TCHP: variants seen among roughly 807,000 people sequenced by gnomAD.
TCHP encodes trichoplein keratin filament-binding protein.
A neutral mutation model predicts 88.7 loss-of-function variants in TCHP; 81 were observed. That is an observed-to-expected ratio of 0.91 (90% CI 0.76 to 1.10). The LOEUF is 1.10. Among genes scored for constraint, TCHP ranks in the 50% least tolerant of loss-of-function variants. The pLI is 0.00. For missense variants in TCHP, 641 were observed against 632.1 expected, an observed-to-expected ratio of 1.01 and a Z score of -0.15; for synonymous variants, 232 against 232.5, an observed-to-expected ratio of 1.00 and a Z score of 0.02.
At chr12:109,895,412 G>A (rs546410909), upstream of TCHP, among the ~76,000 whole-genome samples, 1 of 151,908 alleles carries the variant, frequency 6.6e-6, no homozygotes, top group African/African-American at 2.4e-5. Flanking sequence ...GGGGTGGGGG[G>A]TCTCTCTATA....
At chr12:109,884,282 G>A in the TCHP span, among the ~76,000 whole-genome samples, 1 of 151,870 alleles carries the variant, frequency 6.6e-6, no homozygotes, top group Non-Finnish European at 1.5e-5. Flanking sequence ...TCCGCCTTCC[G>A]GGTTCACGCC....
chr12:109,907,396 G>T, intron 5 of TCHP, 130 bp from the exon 6 acceptor site: 1 of 903,422 alleles, frequency 1.1e-6, no homozygotes, highest in Non-Finnish European at 1.7e-6. Context: ...CTTGGCGTCT[G>T]AGGGCGTTGT....
Position 109,903,878 on chromosome 12 carries a change from C to A in TCHP, c.189-59C>A. 7.1e-7 allele frequency: 1 copy of A among 1,400,068 alleles called. No homozygotes were observed. The highest frequency in any genetic ancestry group is 9.9e-7 in the Non-Finnish European group (1 of 1,008,942). The allele number at this position is 1,400,068 out of a possible 1,614,324, so 86.7% of individuals were successfully genotyped here. ...AGCCTCTTTTACCGACACAGCAGAG[C>A]AGAGCACGTTCCCTGTGGCTGTAGC... is the stretch of plus-strand genomic sequence containing the variant. On this transcript the variant is annotated intron_variant, in intron 2 of 12. Transcript: ENST00000405876. This position sits in a 1 kb window ranked among gnomAD's most constrained non-coding sequence, Gnocchi z 4.6.
At chr12:109,897,563 TTTC>T (rs561224451), upstream of TCHP, among the ~76,000 whole-genome samples, 5 of 148,180 alleles carry the variant, frequency 3.4e-5, no homozygotes, top group African/African-American at 7.7e-5. Context: ...TCTTTCTTTC[TTTC>T]TTTTTTTTTT....
In TCHP at chr12:109,916,891, T is replaced by G. The variant is rs1000606540; in HGVS notation, c.*268T>G. ...CGCTGCTGCATAGTCTTGTAATATA[T>G]TAACAGTCACATCAACTGAAGGTCA... On this transcript the variant is annotated 3_prime_UTR_variant, in exon 13 of 13. Coordinates refer to ENST00000405876, the MANE Select transcript of TCHP (RefSeq NM_001143852.2). 2.5e-6 allele frequency: 1 copy of G among 399,776 alleles called. No homozygotes were observed. Among genetic ancestry groups the G allele is most frequent in the African/African-American group, 2.1e-5 (1 of 48,258 alleles). The allele number at this position is 399,776 out of a possible 1,614,324, so 24.8% of individuals were successfully genotyped here.
intron 11 of TCHP, 21 bp downstream of exon 11, chr12:109,914,648 G>T: frequency 6.3e-7 from 1 of 1,595,156 alleles, no homozygotes; most frequent in Non-Finnish European, 8.5e-7. Context: ...GCCCAAGGGC[G>T]GGAGGCACCG....
rs150919850 is a variant in TCHP at position 109,917,932 on chromosome 12, G to C, written c.*1309G>C. On this transcript the variant is annotated 3_prime_UTR_variant, in exon 13 of 13. Coordinates refer to ENST00000405876, the MANE Select transcript of TCHP (RefSeq NM_001143852.2). Reference sequence around the variant, plus strand: ...AGAAACAGATCAAGCTGCAAACCACGTCCTTCATCTGTTGTTCATTTTCTT... The same window carrying C: ...AGAAACAGATCAAGCTGCAAACCACCTCCTTCATCTGTTGTTCATTTTCTT... 1 of 152,166 alleles carries C rather than the reference G, an allele frequency of 6.6e-6. No individual in the cohort carries two copies. The highest frequency in any genetic ancestry group is 1.5e-5 in the Non-Finnish European group (1 of 68,036). The allele number at this position is 152,166 out of a possible 1,614,324, so 9.4% of individuals were successfully genotyped here.
chr12:109,906,520 A>G, intron 4 of TCHP, 52 bp from the exon 5 acceptor site: 1 of 1,570,420 alleles, frequency 6.4e-7, no homozygotes, highest in Non-Finnish European at 8.8e-7. Flanking sequence ...CTGTCCCCAC[A>G]GTGCCCATCT....
At chr12:109,895,715 C>T (rs572988174), upstream of TCHP, among the ~76,000 whole-genome samples, 2 of 151,998 alleles carry the variant, frequency 1.3e-5, no homozygotes, top group Non-Finnish European at 2.9e-5. Context: ...TGGCATTGTG[C>T]GGCTTCCAGT....
chr12:109,890,300 CAA>C, the TCHP span, among the ~76,000 whole-genome samples: 3,424 of 89,238 alleles, frequency 0.038, 52 homozygotes, highest in South Asian at 0.075. Flanking sequence ...CTCATCTCTA[CAA>C]AAAAAAAAAA....
At chr12:109,882,737 A>T in the TCHP span, among the ~76,000 whole-genome samples, 1 of 142,824 alleles carries the variant, frequency 7.0e-6, no homozygotes, top group Non-Finnish European at 1.5e-5. Flanking sequence ...GGCTCACTGC[A>T]ACCTCCGCCT....
chr12:109,915,525 T>C lies in TCHP; in HGVS notation c.1443T>C (p.Ala481=), dbSNP rs746814644. ...ALLQQEAETM[A]EQGYRPKPYG... Reference sequence around the variant, plus strand: ...TGCAGCAGGAGGCGGAGACTATGGCTGAGCAGGGCTACCGGCCTAAGGTAG... The same window carrying C: ...TGCAGCAGGAGGCGGAGACTATGGCCGAGCAGGGCTACCGGCCTAAGGTAG... Residue 481 remains alanine, a synonymous_variant, in exon 12 of 13, where the codon GCT becomes GCC. Transcript: ENST00000405876. The C allele has an allele frequency of 2.0e-5, 33 of 1,613,732 alleles. 1 individual carries two copies. In the Admixed American group the frequency reaches 5.2e-4, roughly 25 times the overall value.
At chr12:109,906,669 C>A in intron 5 of TCHP, 29 bp downstream of exon 5, 1 of 1,576,760 alleles carries the variant, frequency 6.3e-7, no homozygotes. Context: ...GGAATAGCCG[C>A]GTATTCTGCT....
rs760322884 is a variant in TCHP, at chr12:109,907,672, G to C, written c.672G>C (p.Met224Ile). ...KLQAEALLQQMEELKLKEVEA... is the reference protein window; with the variant it reads ...KLQAEALLQQIEELKLKEVEA... ...AGGCCGAGGCACTGCTGCAACAGATGGAGGAGCTGAAGCTGAAGGAGGTGG... is the reference window on the plus strand; with the variant it reads ...AGGCCGAGGCACTGCTGCAACAGATCGAGGAGCTGAAGCTGAAGGAGGTGG... Residue 224 changes from methionine to isoleucine, a missense_variant, in exon 6 of 13, where the codon ATG becomes ATC. Met to Ile is a conservative substitution (Grantham distance 10). Coordinates refer to ENST00000405876, the MANE Select transcript of TCHP (RefSeq NM_001143852.2). The C allele has an allele frequency of 1.2e-6, 2 of 1,610,412 alleles. No homozygotes were observed. The highest frequency in any genetic ancestry group is 1.7e-6 in the Non-Finnish European group (2 of 1,178,688).
rs1040577390 is a variant in TCHP, at chr12:109,916,761, A to G, written c.*138A>G. The G allele has an allele frequency of 8.0e-6, 6 of 754,106 alleles. No individual in the cohort carries two copies. In the South Asian group the frequency reaches 1.1e-4, roughly 13 times the overall value. 46.7% of individuals were successfully genotyped at this position (754,106 alleles called of 1,614,324 possible). A position where few individuals can be genotyped will look rare whatever the true frequency, so the allele number is the denominator to read the frequency against. On this transcript the variant is annotated 3_prime_UTR_variant, in exon 13 of 13. Transcript: ENST00000405876. ...GGCTCAGCAGTGCCTGCTCAGGTTC[A>G]TCATTGAAACATCCCAGTGTTTGGC... is the stretch of plus-strand genomic sequence containing the variant.
chr12:109,902,206 C>T (rs1869838014), intron 1 of TCHP, among the ~76,000 whole-genome samples: 1 of 152,162 alleles, frequency 6.6e-6, no homozygotes, highest in African/African-American at 2.4e-5. Context: ...CAGAGTCTCA[C>T]TGTCACCCAG....
At chr12:109,906,697 T>A (rs1221245163) in intron 5 of TCHP, 57 bp downstream of exon 5, 10 of 1,448,392 alleles carry the variant, frequency 6.9e-6, no homozygotes, top group Non-Finnish European at 8.6e-6. Context: ...ACTGTTCACG[T>A]CTTTGCATTC....
chr12:109,911,337 C>T (rs1178996880), intron 9 of TCHP, 102 bp downstream of exon 9: 6 of 626,050 alleles, frequency 9.6e-6, no homozygotes, highest in African/African-American at 1.9e-5. Context: ...ATTGGCTGGG[C>T]GTGGAGGCTC....
the TCHP span, among the ~76,000 whole-genome samples, chr12:109,885,760 C>T: frequency 2.6e-5 from 4 of 151,324 alleles, no homozygotes; most frequent in South Asian, 2.1e-4. Flanking sequence ...TGATTACAAG[C>T]GTGAGACACC....
Sources: gnomAD v4.1 joint callset for allele counts (sites outside exome capture counted in the v4.1 genomes callset) on GRCh38, gnomAD v4.1.1 for gene constraint, Gnocchi (gnomAD v3.1) non-coding constraint, MANE v1.5 for transcripts, NCBI Gene and HGNC (gene_info 2026-07-23, HGNC 2026-07-21) for gene names.